ROBO2: variants seen among roughly 807,000 people sequenced by gnomAD.
ROBO2 encodes roundabout guidance receptor 2.
A neutral mutation model predicts 160.8 loss-of-function variants in ROBO2; 53 were observed. The ratio of observed to expected loss-of-function variants is 0.33; its 90% confidence interval spans 0.26 to 0.41. The LOEUF (loss-of-function observed/expected upper bound fraction) is 0.41. Ranked by LOEUF, ROBO2 falls within the 10% of genes least tolerant of loss-of-function variation. The pLI is 1.00. For missense variants in ROBO2, 1,577 were observed against 1,722.4 expected (o/e 0.92, Z 1.49); for synonymous variants, 664 against 611.7 (o/e 1.09, Z -1.26).
chr3:76,108,612 A>T (rs989708097), intron 2 of ROBO2, among the ~76,000 whole-genome samples: 7 of 151,782 alleles, frequency 4.6e-5, no homozygotes, highest in African/African-American at 1.7e-4. Context: ...AAGTAGCCCA[A>T]ATTTTCCTCA....
chr3:76,372,120 A>C (rs2076134139), intron 2 of ROBO2, among the ~76,000 whole-genome samples: 1 of 151,872 alleles, frequency 6.6e-6, no homozygotes, highest in South Asian at 2.1e-4. Flanking sequence ...TTTTTGTACA[A>C]ATACAATAAA....
intron 2 of ROBO2, among the ~76,000 whole-genome samples, chr3:77,242,083 A>C (rs577029274): frequency 6.6e-6 from 1 of 152,306 alleles, no homozygotes; most frequent in South Asian, 2.1e-4. Flanking sequence ...CTAAGAAAGC[A>C]CTCAGATGCA....
chr3:76,738,061 G>A (rs1269887562), intron 2 of ROBO2, among the ~76,000 whole-genome samples: 2 of 152,170 alleles, frequency 1.3e-5, no homozygotes, highest in Non-Finnish European at 2.9e-5. Context: ...TTCAGCCCAG[G>A]AGGTCGAGGC....
At chr3:76,293,161 A>G (rs948093801) in intron 2 of ROBO2, among the ~76,000 whole-genome samples, 2 of 152,212 alleles carry the variant, frequency 1.3e-5, no homozygotes, top group East Asian at 3.8e-4. Context: ...AGGAATAGCA[A>G]TAACATTCGA....
At chr3:77,508,176 T>A (rs75032505) in intron 5 of ROBO2, among the ~76,000 whole-genome samples, 1 of 151,550 alleles carries the variant, frequency 6.6e-6, no homozygotes, top group South Asian at 2.1e-4. Flanking sequence ...ATAATTGTTC[T>A]GATTTTCACT....
intron 2 of ROBO2, among the ~76,000 whole-genome samples, chr3:77,191,679 C>T (rs7426688): frequency 0.17 from 25,589 of 152,110 alleles, 2,747 homozygotes; most frequent in Middle Eastern, 0.27. Flanking sequence ...AATGCTGTTC[C>T]ATTTAGTGAG....
intron 2 of ROBO2, among the ~76,000 whole-genome samples, chr3:77,183,025 A>G (rs1223314825): frequency 6.6e-6 from 1 of 152,060 alleles, no homozygotes; most frequent in Non-Finnish European, 1.5e-5. Flanking sequence ...TCTCTGCCTC[A>G]GGTCATTATA....
intron 2 of ROBO2, among the ~76,000 whole-genome samples, chr3:76,308,692 T>C (rs1160320079): frequency 1.3e-5 from 2 of 152,186 alleles, no homozygotes; most frequent in Admixed American, 1.3e-4. Flanking sequence ...TCTTCTGGTA[T>C]GCAGAAAGCT....
intron 2 of ROBO2, among the ~76,000 whole-genome samples, chr3:75,992,348 C>T (rs577183071): frequency 1.3e-5 from 2 of 152,236 alleles, no homozygotes; most frequent in African/African-American, 4.8e-5. Context: ...TCAGTCACAC[C>T]AGCCATGACT....
At chr3:77,096,198 T>A (rs975215499) in intron 1 of ROBO2, among the ~76,000 whole-genome samples, 1 of 152,106 alleles carries the variant, frequency 6.6e-6, no homozygotes, top group African/African-American at 2.4e-5. Context: ...TCATATTAGG[T>A]GATTGGTTGG....
chr3:76,486,197 G>T lies in ROBO2; in HGVS notation c.109+548595G>T, dbSNP rs370120848. On this transcript the variant is annotated intron_variant, in intron 2 of 26. Transcript: ENST00000487694. Reference sequence around the variant, plus strand: ...GACATAAATACTTGTAGTTTTTTCTGGGAAGGACTTAGCAGCCACAGGGGC... The same window carrying T: ...GACATAAATACTTGTAGTTTTTTCTTGGAAGGACTTAGCAGCCACAGGGGC... 1.4e-3 allele frequency among the ~76,000 whole-genome samples: 220 copies of T among 152,212 alleles called. 1 individual carries two copies. The South Asian group carries it at 0.025, about 18-fold the overall frequency.
chr3:76,598,030 A>G (rs1462023242), intron 2 of ROBO2, among the ~76,000 whole-genome samples: 1 of 152,092 alleles, frequency 6.6e-6, no homozygotes, highest in Non-Finnish European at 1.5e-5. Flanking sequence ...GATGTTTTTC[A>G]GTGGGTGAAT....
chr3:76,376,237 TA>T (rs1173971512), intron 2 of ROBO2, among the ~76,000 whole-genome samples: 1 of 152,092 alleles, frequency 6.6e-6, no homozygotes, highest in Non-Finnish European at 1.5e-5. Flanking sequence ...CTGAAACAAA[TA>T]ATTCACTTAG....
chr3:76,736,228 G>T (rs1342510499), intron 2 of ROBO2, among the ~76,000 whole-genome samples: 2 of 149,948 alleles, frequency 1.3e-5, no homozygotes, highest in African/African-American at 2.5e-5. Flanking sequence ...CTTGCAGTGA[G>T]CCGAGATCGC....
chr3:76,665,467 T>G (rs184196759), intron 2 of ROBO2, among the ~76,000 whole-genome samples: 1 of 152,172 alleles, frequency 6.6e-6, no homozygotes, highest in East Asian at 1.9e-4. Flanking sequence ...TTCTTGTCAA[T>G]GCACTAAGCT....
At chr3:77,115,146 T>G (rs2074072647) in intron 2 of ROBO2, among the ~76,000 whole-genome samples, 1 of 152,190 alleles carries the variant, frequency 6.6e-6, no homozygotes, top group Non-Finnish European at 1.5e-5. Flanking sequence ...GTGTTTTAAT[T>G]TCATTTCTGT....
At chr3:77,127,528 C>G (rs978169242) in intron 2 of ROBO2, among the ~76,000 whole-genome samples, 1 of 151,920 alleles carries the variant, frequency 6.6e-6, no homozygotes, top group African/African-American at 2.4e-5. Flanking sequence ...TATTTACCAA[C>G]TTGAAAGAAG....
rs146479391 is a variant in ROBO2, at chr3:76,136,857, G to A, written c.109+199255G>A. On this transcript the variant is annotated intron_variant, in intron 2 of 26. Transcript: ENST00000487694. ...ATCATATTCTAGCTTTCCAGTCACC[G>A]TCACAAAAATGATCATGTACAGAAG... Among the ~76,000 whole-genome samples the A allele has an allele frequency of 9.4e-3, 1,427 of 152,008 alleles. 24 individuals carry two copies. The highest frequency in any genetic ancestry group is 0.033 in the African/African-American group (1,377 of 41,506).
intron 2 of ROBO2, among the ~76,000 whole-genome samples, chr3:76,467,161 C>A (rs1478824351): frequency 6.6e-6 from 1 of 152,048 alleles, no homozygotes; most frequent in Non-Finnish European, 1.5e-5. Context: ...CCTACCAACT[C>A]TTTTTAACCA....
Sources: allele counts gnomAD v4.1 joint callset (sites outside exome capture counted in the v4.1 genomes callset), GRCh38; gene constraint gnomAD v4.1.1; transcripts MANE v1.5; gene names NCBI Gene and HGNC (gene_info 2026-07-23, HGNC 2026-07-21).